Variants in NRXN1 observed in about 807,000 individuals in gnomAD.
The protein encoded by NRXN1 is neurexin 1.
NRXN1 carries 39 observed loss-of-function variants against 150.9 expected under a neutral mutation model. That is an observed-to-expected ratio of 0.26 (90% confidence interval 0.20 to 0.34). The LOEUF (loss-of-function observed/expected upper bound fraction) is 0.34. Among genes scored for constraint, NRXN1 ranks in the 10% least tolerant of loss-of-function variants. The pLI is 1.00. For synonymous variants in NRXN1, 924 were observed against 757.0 expected (o/e 1.22, Z -3.62); for missense variants, 1,815 against 1,949.9 (o/e 0.93, Z 1.30).
chr2:50,601,820 G>C (rs1676327711), intron 8 of NRXN1, among the ~76,000 whole-genome samples: 1 of 152,126 alleles, frequency 6.6e-6, no homozygotes, highest in African/African-American at 2.4e-5. Context: ...CACTGCATAA[G>C]ACAGGTCTGC....
chr2:50,348,032 C>T lies in NRXN1; in HGVS notation c.3365-111062G>A, dbSNP rs114120093. On this transcript the variant is annotated intron_variant, in intron 17 of 22. Transcript: ENST00000401669. The stretch of plus-strand genomic sequence containing the variant: ...TCTGAACTACAATGGCAAATGGCAC[C>T]CTTCCCCTACCCAATGGTTTAGATG... 0.014 allele frequency among the ~76,000 whole-genome samples: 2,072 copies of T among 152,250 alleles called. 48 individuals are homozygous for T. The highest frequency in any genetic ancestry group is 0.047 in the African/African-American group (1,963 of 41,534).
intron 17 of NRXN1, among the ~76,000 whole-genome samples, chr2:50,345,421 T>A (rs1365996340): frequency 2.0e-5 from 3 of 152,046 alleles, no homozygotes; most frequent in Admixed American, 2.0e-4. Context: ...AGCAAACTCA[T>A]AAGGAGTGGG....
intron 9 of NRXN1, among the ~76,000 whole-genome samples, chr2:50,543,878 G>A (rs2093438058): frequency 6.6e-6 from 1 of 152,122 alleles, no homozygotes; most frequent in African/African-American, 2.4e-5. Flanking sequence ...ATGAGGAGTA[G>A]AAAATAGTGT....
At chr2:50,448,609 C>G (rs574006958) in intron 17 of NRXN1, among the ~76,000 whole-genome samples, 14 of 152,296 alleles carry the variant, frequency 9.2e-5, no homozygotes, top group Admixed American at 7.9e-4. Context: ...AATTTTATGA[C>G]ACTTTTTACT....
Position 50,459,945 on chromosome 2 carries a change from T to C in NRXN1, c.3364+5497A>G, listed in dbSNP as rs192148647. ...TCTGCACCTGTTGTGTTGCTACAGA[T>C]GGAAGTAACATGATAAACACGGATA... On this transcript the variant is annotated intron_variant, in intron 17 of 22. Transcript: ENST00000401669. 3.5e-3 allele frequency among the ~76,000 whole-genome samples: 532 copies of C among 152,156 alleles called. 1 individual carries two copies. The highest frequency in any genetic ancestry group is 0.012 in the African/African-American group (493 of 41,534).
At chr2:50,472,829 G>GTATA (rs375129044) in intron 15 of NRXN1, among the ~76,000 whole-genome samples, 6 of 79,744 alleles carry the variant, frequency 7.5e-5, no homozygotes, top group Non-Finnish European at 1.7e-4. Context: ...GTGTGTGTGT[G>GTATA]TATATATATA....
rs540119814 is a variant in NRXN1 at position 51,020,193 on chromosome 2, G to C, written c.772+7309C>G. ...TGCTCCATTGTTTTGTCCTCTTCTA[G>C]TCAAGACCACTAAAAGGTACCTTTA... On this transcript the variant is annotated intron_variant, in intron 2 of 22. Coordinates refer to ENST00000401669, the MANE Select transcript of NRXN1 (RefSeq NM_001330078.2). 4.0e-5 allele frequency among the ~76,000 whole-genome samples: 6 copies of C among 151,696 alleles called. No individual in the cohort carries two copies. In the East Asian group the frequency reaches 9.7e-4, roughly 25 times the overall value.
At chr2:50,350,260 C>G (rs763471113) in intron 17 of NRXN1, among the ~76,000 whole-genome samples, 1 of 152,134 alleles carries the variant, frequency 6.6e-6, no homozygotes, top group Non-Finnish European at 1.5e-5. Flanking sequence ...CTAAAAGAAA[C>G]ATATCTAATA....
At chr2:50,142,797 A>T (rs1193186154) in intron 18 of NRXN1, among the ~76,000 whole-genome samples, 1 of 151,834 alleles carries the variant, frequency 6.6e-6, no homozygotes, top group East Asian at 1.9e-4. Context: ...GATAGGTTGG[A>T]CTTAAGAGGT....
At chr2:49,972,443 G>A (rs1007749079) in intron 21 of NRXN1, among the ~76,000 whole-genome samples, 1 of 152,142 alleles carries the variant, frequency 6.6e-6, no homozygotes. Flanking sequence ...AGTTTGCATG[G>A]CTCTAAACAT....
intron 2 of NRXN1, among the ~76,000 whole-genome samples, chr2:50,973,978 CATGAG>C (rs1250424301): frequency 6.7e-6 from 1 of 149,526 alleles, no homozygotes; most frequent in Non-Finnish European, 1.5e-5. Context: ...TCCTTGCACT[CATGAG>C]ATAATACATC....
intron 17 of NRXN1, among the ~76,000 whole-genome samples, chr2:50,306,262 A>T (rs937920837): frequency 6.6e-6 from 1 of 152,224 alleles, no homozygotes; most frequent in African/African-American, 2.4e-5. Context: ...CTTCTTTTTA[A>T]GTCACTATGG....
At chr2:50,846,750 G>C (rs1368335751) in intron 5 of NRXN1, among the ~76,000 whole-genome samples, 2 of 152,122 alleles carry the variant, frequency 1.3e-5, no homozygotes, top group Non-Finnish European at 2.9e-5. Flanking sequence ...CCCTCTCTAG[G>C]AGAGGAAAAA....
chr2:50,575,606 G>A (rs1181027253), intron 8 of NRXN1, among the ~76,000 whole-genome samples: 1 of 151,924 alleles, frequency 6.6e-6, no homozygotes, highest in Non-Finnish European at 1.5e-5. Flanking sequence ...TAGAAAACTA[G>A]CAATTTACAA....
At chr2:50,606,940 T>C (rs1677229851) in intron 8 of NRXN1, among the ~76,000 whole-genome samples, 1 of 152,132 alleles carries the variant, frequency 6.6e-6, no homozygotes, top group South Asian at 2.1e-4. Flanking sequence ...AGAAAGAGTT[T>C]ATTAAGACTG....
At chr2:50,768,336 A>G (rs907612315) in intron 5 of NRXN1, among the ~76,000 whole-genome samples, 1 of 151,994 alleles carries the variant, frequency 6.6e-6, no homozygotes, top group South Asian at 2.1e-4. Flanking sequence ...AAAGAAAGCA[A>G]CTTGCTCTAT....
At chr2:50,310,240 G>C (rs984273373) in intron 17 of NRXN1, among the ~76,000 whole-genome samples, 1 of 152,074 alleles carries the variant, frequency 6.6e-6, no homozygotes, top group Non-Finnish European at 1.5e-5. Flanking sequence ...TCATTTCTTG[G>C]ATAAGTTAAC....
Position 50,098,529 on chromosome 2 carries a change from T to C in NRXN1, c.3547-7035A>G, listed in dbSNP as rs544503612. ...TCTATCTCTCCTTTCAGGCCCCACA[T>C]ACCAGACTACTCACTATGTGCCAGG... On this transcript the variant is annotated intron_variant, in intron 18 of 22. Coordinates refer to ENST00000401669, the MANE Select transcript of NRXN1 (RefSeq NM_001330078.2). 8.5e-5 allele frequency among the ~76,000 whole-genome samples: 13 copies of C among 152,292 alleles called. No homozygotes were observed. In the East Asian group the frequency reaches 2.5e-3, roughly 30 times the overall value.
chr2:50,052,282 A>G (rs1692837056), intron 21 of NRXN1, among the ~76,000 whole-genome samples: 1 of 152,132 alleles, frequency 6.6e-6, no homozygotes, highest in Admixed American at 6.6e-5. Flanking sequence ...TATTTGGAAA[A>G]GCTTTAAATG....
Sources: gnomAD v4.1 joint callset for allele counts (sites outside exome capture counted in the v4.1 genomes callset) on GRCh38, gnomAD v4.1.1 for gene constraint, MANE v1.5 for transcripts, NCBI Gene and HGNC (gene_info 2026-07-23, HGNC 2026-07-21) for gene names.